Variants in DHTKD1 observed in about 807,000 individuals in gnomAD.
DHTKD1 encodes dehydrogenase E1 and transketolase domain containing 1.
A neutral mutation model predicts 101.8 loss-of-function variants in DHTKD1; 78 were observed. The observed-to-expected ratio is 0.77, with a 90% CI of 0.64 to 0.93. The LOEUF (loss-of-function observed/expected upper bound fraction) is 0.93. Ranked by LOEUF, DHTKD1 falls within the 40% of genes least tolerant of loss-of-function variation. The pLI, the probability that DHTKD1 is intolerant of heterozygous loss-of-function variation, is 0.00. For missense variants in DHTKD1, 1,223 were observed against 1,161.7 expected (o/e 1.05, Z -0.77); for synonymous variants, 462 against 450.3 (o/e 1.03, Z -0.33).
At chr10:12,099,802 T>C (rs976482714) in intron 8 of DHTKD1, among the ~76,000 whole-genome samples, 1 of 147,216 alleles carries the variant, frequency 6.8e-6, no homozygotes, top group Non-Finnish European at 1.5e-5. Flanking sequence ...GCTTTTTTTT[T>C]TTTTTTTTTT....
At position 12,097,829 on chromosome 10, in the gene DHTKD1, G is replaced by A. The variant is rs1376482881; in HGVS notation, c.1504G>A (p.Ala502Thr). 1.9e-6 allele frequency: 3 copies of A among 1,614,090 alleles called. No homozygotes were observed. In the Admixed American group the frequency reaches 5.0e-5, roughly 27 times the overall value. ...TAACATGGCCCACTACAGGCCCCCT[G>A]CCCTGAACCTGCAGGCCCACTGGCA... The part of the protein sequence containing the change: ...LNNMAHYRPP[A>T]LNLQAHWQGL... Residue 502 changes from alanine (A) to threonine (T), a missense_variant, in exon 8 of 17, where the codon GCC becomes ACC. By Grantham distance (58) the Ala-to-Thr change is moderately conservative. Coordinates refer to ENST00000263035, the MANE Select transcript of DHTKD1 (RefSeq NM_018706.7).
chr10:12,109,608 G>C (rs1186655768), intron 12 of DHTKD1, among the ~76,000 whole-genome samples: 1 of 151,798 alleles, frequency 6.6e-6, no homozygotes, highest in African/African-American at 2.4e-5. Flanking sequence ...AGATGAAGAA[G>C]GAGCAACCAG....
chr10:12,118,696 T>C (rs1294522988), intron 14 of DHTKD1, 53 bp from the exon 15 acceptor site: 5 of 1,419,514 alleles, frequency 3.5e-6, no homozygotes, highest in Admixed American at 5.2e-5. Context: ...CTGACGTAAT[T>C]CTTACTTTAA....
In DHTKD1 at chr10:12,120,002, C is replaced by T. The variant is rs563949256; in HGVS notation, c.2573-180C>T. On this transcript the variant is annotated intron_variant, in intron 15 of 16. Coordinates refer to ENST00000263035, the MANE Select transcript of DHTKD1 (RefSeq NM_018706.7). ...AATATCTCAGATAATTTATCGAATA[C>T]TGTACCAACAGTGAAAAACAGAACT... 3.3e-5 allele frequency among the ~76,000 whole-genome samples: 5 copies of T among 152,262 alleles called. No individual in the cohort carries two copies. In the South Asian group the frequency reaches 8.3e-4, roughly 25 times the overall value.
At chr10:12,119,410 T>G (rs1564400367) in intron 15 of DHTKD1, among the ~76,000 whole-genome samples, 2 of 149,588 alleles carry the variant, frequency 1.3e-5, no homozygotes, top group Non-Finnish European at 1.5e-5. Flanking sequence ...GGTCAGGAGA[T>G]CAAGACCATC....
At position 12,097,999 on chromosome 10, in the gene DHTKD1, G is replaced by T. The variant is rs369606311; in HGVS notation, c.1671+3G>T. On this transcript the variant is annotated splice_donor_region_variant and intron_variant, in intron 8 of 16. Transcript: ENST00000263035. ...ACCTGCTGAAGACACATGTTCAGGT[G>T]GGCAGCCTCCAAATGGCTGGTTATT... 1.3e-5 allele frequency: 20 copies of T among 1,592,886 alleles called. No individual in the cohort carries two copies. Among genetic ancestry groups the T allele is most frequent in the Non-Finnish European group, 1.6e-5 (19 of 1,165,838 alleles).
At chr10:12,095,931 C>T (rs1329639758) in intron 7 of DHTKD1, among the ~76,000 whole-genome samples, 1 of 151,650 alleles carries the variant, frequency 6.6e-6, no homozygotes, top group Non-Finnish European at 1.5e-5. Flanking sequence ...ATCGCTTGAA[C>T]TGGGGAGGCG....
rs757691933 is a variant in DHTKD1, at chr10:12,069,148, G to A, written c.115G>A (p.Glu39Lys). 6.4e-6 allele frequency: 10 copies of A among 1,572,354 alleles called. No homozygotes were observed. The highest frequency in any genetic ancestry group is 5.6e-5 in the Admixed American group (3 of 53,578). ...TTACGGCTACCGGCCGAGGAAGCCC[G>A]AGAGCCGCGAGCCCCAGGGCGCCCT... Reference protein sequence around the residue: ...GVYGYRPRKPESREPQGALER... With the variant: ...GVYGYRPRKPKSREPQGALER... Residue 39 changes from glutamate (E) to lysine (K), a missense_variant, in exon 1 of 17, where the codon GAG becomes AAG. Coordinates refer to ENST00000263035, the MANE Select transcript of DHTKD1 (RefSeq NM_018706.7).
At chr10:12,099,283 A>G (rs1833119957) in intron 8 of DHTKD1, among the ~76,000 whole-genome samples, 1 of 152,148 alleles carries the variant, frequency 6.6e-6, no homozygotes, top group Non-Finnish European at 1.5e-5. Context: ...TCAGCTTAGG[A>G]AATAGGATGT....
At chr10:12,095,490 C>T (rs1833051817) in intron 7 of DHTKD1, among the ~76,000 whole-genome samples, 1 of 150,286 alleles carries the variant, frequency 6.7e-6, no homozygotes, top group Non-Finnish European at 1.5e-5. Flanking sequence ...CCGGCCTGGC[C>T]AACATGGTGA....
chr10:12,097,662 G>T (rs1195591543), intron 7 of DHTKD1, 22 bp from the exon 8 acceptor site: 4 of 1,582,726 alleles, frequency 2.5e-6, no homozygotes, highest in Admixed American at 3.6e-5. Context: ...ACTGATTTTT[G>T]TTTCTTCTCT....
chr10:12,120,794 T>C lies in DHTKD1; in HGVS notation c.2666T>C (p.Leu889Pro). Residue 889 changes from leucine to proline, a missense_variant, in exon 17 of 17, where the codon CTG (leucine) becomes CCG (proline). Physicochemically the swap from Leu to Pro is moderately conservative, Grantham distance 98. Coordinates refer to ENST00000263035, the MANE Select transcript of DHTKD1 (RefSeq NM_018706.7). ...TCTCTGCTGCACTTATAGCTCCGTC[T>C]GGTGGGCCGGCCCCCTTTGCCAGTA... Reference protein sequence around the residue: ...FEKQLACKLRLVGRPPLPVPA... With the variant: ...FEKQLACKLRPVGRPPLPVPA... 6.2e-7 allele frequency: 1 copy of C among 1,614,110 alleles called. No homozygotes were observed. The highest frequency in any genetic ancestry group is 1.3e-5 in the African/African-American group (1 of 75,070).
At chr10:12,081,682 C>A in intron 2 of DHTKD1, 55 bp downstream of exon 2, 1 of 1,602,152 alleles carries the variant, frequency 6.2e-7, no homozygotes, top group Non-Finnish European at 8.5e-7. Context: ...GGCCAGGCTC[C>A]TGCCTCTGTT....
At chr10:12,119,494 T>C (rs1182898432) in intron 15 of DHTKD1, among the ~76,000 whole-genome samples, 5 of 149,900 alleles carry the variant, frequency 3.3e-5, no homozygotes, top group East Asian at 2.0e-4. Context: ...CGGGCGCCTG[T>C]AGTCCCAGCT....
At chr10:12,101,511 C>A (rs982357082) in intron 10 of DHTKD1, among the ~76,000 whole-genome samples, 5 of 152,158 alleles carry the variant, frequency 3.3e-5, no homozygotes, top group Non-Finnish European at 7.4e-5. Context: ...GTCAGTATTC[C>A]TTGCCTACTT....
At chr10:12,100,110 TG>T in intron 8 of DHTKD1, 67 bp from the exon 9 acceptor site, 1 of 922,894 alleles carries the variant, frequency 1.1e-6, no homozygotes, top group African/African-American at 1.7e-5. Context: ...TTAAATTTTT[TG>T]TACTCATTGT....
intron 12 of DHTKD1, among the ~76,000 whole-genome samples, chr10:12,109,909 G>A (rs1052864397): frequency 1.4e-4 from 21 of 152,092 alleles, no homozygotes; most frequent in African/African-American, 5.1e-4. Flanking sequence ...GGAGTGGTAG[G>A]GACAAAAGTC....
chr10:12,112,716 G>A (rs139677072), intron 12 of DHTKD1, among the ~76,000 whole-genome samples, 184 bp from the exon 13 acceptor site: 12 of 152,250 alleles, frequency 7.9e-5, no homozygotes, highest in African/African-American at 2.9e-4. Context: ...AGCCATCAGA[G>A]CTCTCCTTTG....
chr10:12,106,774 G>T (rs1418907544), intron 11 of DHTKD1, among the ~76,000 whole-genome samples: 2 of 152,148 alleles, frequency 1.3e-5, no homozygotes, highest in African/African-American at 2.4e-5. Context: ...CCATTTTCCA[G>T]GGATGCCCAC....
Sources: gnomAD v4.1 joint callset for allele counts (sites outside exome capture counted in the v4.1 genomes callset) on GRCh38, gnomAD v4.1.1 for gene constraint, MANE v1.5 for transcripts, NCBI Gene and HGNC (gene_info 2026-07-23, HGNC 2026-07-21) for gene names.